The following IQSEC1 variants were observed in gnomAD, a reference collection of about 807,000 sequenced individuals.
The protein encoded by IQSEC1 is IQ motif and Sec7 domain ArfGEF 1.
IQSEC1 carries 31 observed loss-of-function variants against 91.0 expected under a neutral mutation model. The ratio of observed to expected loss-of-function variants is 0.34; its 90% CI spans 0.26 to 0.46. IQSEC1 has a LOEUF of 0.46. Among genes scored for constraint, IQSEC1 ranks in the 20% least tolerant of loss-of-function variants. The pLI, the probability that IQSEC1 is intolerant of heterozygous loss-of-function variation, is 1.00. For synonymous variants in IQSEC1, 699 were observed against 662.6 expected (o/e 1.05, Z -0.84); for missense variants, 1,388 against 1,575.6 (o/e 0.88, Z 2.02).
intron 1 of IQSEC1, among the ~76,000 whole-genome samples, chr3:13,034,728 C>G (rs988535640): frequency 6.6e-6 from 1 of 152,222 alleles, no homozygotes; most frequent in Admixed American, 6.5e-5. Flanking sequence ...CTGCTGAGGA[C>G]AAGTTTCTCA....
At chr3:12,947,471 C>T (rs1699259326) in intron 1 of IQSEC1, among the ~76,000 whole-genome samples, 1 of 151,904 alleles carries the variant, frequency 6.6e-6, no homozygotes, top group South Asian at 2.1e-4. Context: ...CACTCTTCCC[C>T]ACCCCGGGGA....
At chr3:13,170,865 C>T (rs1426336787) in intron 1 of IQSEC1, among the ~76,000 whole-genome samples, 2 of 151,946 alleles carry the variant, frequency 1.3e-5, no homozygotes, top group South Asian at 2.1e-4. Flanking sequence ...TTTGGGAGGC[C>T]GAGGTGGGTG....
rs898383185 is a variant in IQSEC1, at chr3:13,073,112, G to A, written c.-98C>T. The A allele has an allele frequency of 2.1e-5, 30 of 1,429,722 alleles. No homozygotes were observed. In the South Asian group the frequency reaches 3.6e-4, roughly 17 times the overall value. The allele number at this position is 1,429,722 out of a possible 1,614,324, so 88.6% of individuals were successfully genotyped here. On this transcript the variant is annotated 5_prime_UTR_variant, in exon 1 of 14. Coordinates refer to ENST00000613206, the MANE Select transcript of IQSEC1 (RefSeq NM_001134382.3). The stretch of plus-strand genomic sequence containing the variant: ...CAGGCGGCTCAGGCAAGAAGTGGAG[G>A]GGAATAAAATTAAATCGCGGGGCGA...
intron 1 of IQSEC1, among the ~76,000 whole-genome samples, chr3:13,045,439 C>T (rs937835730): frequency 7.2e-5 from 11 of 152,282 alleles, no homozygotes; most frequent in African/African-American, 1.4e-4. Context: ...TGAATGCAGG[C>T]GGGGAAACAG....
In IQSEC1 at chr3:12,900,067, C is replaced by CTGAG; in HGVS notation, c.*912_*915dup. Reference sequence around the variant, plus strand: ...GACAACCAGCTTGTAACCAGCTGTCCTGAGTTGCTACTGTAGAGTGTACTG... The same window carrying CTGAG: ...GACAACCAGCTTGTAACCAGCTGTCCTGAGTGAGTTGCTACTGTAGAGTGTACTG... On this transcript the variant is annotated 3_prime_UTR_variant, in exon 14 of 14. Coordinates refer to ENST00000613206, the MANE Select transcript of IQSEC1 (RefSeq NM_001134382.3). 5.1e-6 allele frequency: 5 copies of CTGAG among 985,240 alleles called. No individual in the cohort carries two copies. The highest frequency in any genetic ancestry group is 1.7e-5 in the African/African-American group (1 of 57,298). The allele number at this position is 985,240 out of a possible 1,614,324, so 61.0% of individuals were successfully genotyped here.
At chr3:13,057,970 C>T (rs192537899) in intron 1 of IQSEC1, among the ~76,000 whole-genome samples, 268 of 152,346 alleles carry the variant, frequency 1.8e-3, no homozygotes, top group Non-Finnish European at 3.0e-3. Context: ...ACATCCTTCT[C>T]ATTAAGAAAA....
chr3:13,039,513 T>G (rs564344150), intron 1 of IQSEC1, among the ~76,000 whole-genome samples: 1 of 152,362 alleles, frequency 6.6e-6, no homozygotes, highest in East Asian at 1.9e-4. Context: ...GTGGCTCCAT[T>G]TGCAGAGCTT....
Position 12,936,102 on chromosome 3 carries a change from G to C in IQSEC1, c.914C>G (p.Ser305Trp). Reference sequence around the variant, plus strand: ...GCTGGACGGCCGGTCCCCTGCCTGCGAGAGGGGCAGAGGGGGCGACAGCTC... The same window carrying C: ...GCTGGACGGCCGGTCCCCTGCCTGCCAGAGGGGCAGAGGGGGCGACAGCTC... ...EEELSPPLPL[S>W]QAGDRPSSTE... The change falls in exon 3 of 14, where the codon TCG becomes TGG. Residue 305 changes from serine to tryptophan, a missense_variant. Ser to Trp is a radical substitution (Grantham distance 177). Around this residue, in one of 2 missense-constraint regions of IQSEC1, gnomAD observed 1,059 missense variants for 1,317.8 expected, o/e 0.80. Transcript: ENST00000613206. 2 of 1,611,130 alleles carry C rather than the reference G, an allele frequency of 1.2e-6. No individual in the cohort carries two copies. The highest frequency in any genetic ancestry group is 1.7e-6 in the Non-Finnish European group (2 of 1,179,792).
In IQSEC1 at chr3:12,908,583, G is replaced by T; in HGVS notation, c.2579-58C>A. 1 of 1,575,918 alleles carries T rather than the reference G, an allele frequency of 6.3e-7. No homozygotes were observed. The highest frequency in any genetic ancestry group is 8.7e-7 in the Non-Finnish European group (1 of 1,149,146). On this transcript the variant is annotated intron_variant, in intron 11 of 13. Transcript: ENST00000613206. This position sits in a 1 kb window ranked among gnomAD's most constrained non-coding sequence, Gnocchi z 4.9. Reference sequence around the variant, plus strand: ...GGAGCACAGCCTAGAGTGGGCAGGAGACGGGGCCTTCTGCTTGGAGCTAGC... The same window carrying T: ...GGAGCACAGCCTAGAGTGGGCAGGATACGGGGCCTTCTGCTTGGAGCTAGC...
At chr3:13,061,886 C>T (rs1287787877) in intron 1 of IQSEC1, among the ~76,000 whole-genome samples, 1 of 152,210 alleles carries the variant, frequency 6.6e-6, no homozygotes, top group Non-Finnish European at 1.5e-5. Context: ...ACAGGTGTGG[C>T]CAAGTGACAA....
At chr3:12,959,010 A>G (rs1700084954) in intron 1 of IQSEC1, among the ~76,000 whole-genome samples, 1 of 152,190 alleles carries the variant, frequency 6.6e-6, no homozygotes, top group Non-Finnish European at 1.5e-5. Flanking sequence ...AGAGAAGCCA[A>G]TTTGGGGAGA....
At chr3:13,068,402 T>C (rs360860) in intron 1 of IQSEC1, among the ~76,000 whole-genome samples, 67,578 of 152,112 alleles carry the variant, frequency 0.44, 15,141 homozygotes, top group Middle Eastern at 0.63. Context: ...CAGCTTTGGG[T>C]ATACAACGGG....
At chr3:12,913,868 C>T (rs143045695) in intron 8 of IQSEC1, among the ~76,000 whole-genome samples, 25 of 152,298 alleles carry the variant, frequency 1.6e-4, no homozygotes, top group Non-Finnish European at 2.2e-4. Context: ...TAAACTATCA[C>T]GTTCACCTGG....
chr3:13,040,958 G>T (rs928428415), intron 1 of IQSEC1, among the ~76,000 whole-genome samples: 1 of 152,050 alleles, frequency 6.6e-6, no homozygotes, highest in African/African-American at 2.4e-5. Flanking sequence ...GGACTCCGGC[G>T]TCTGCATGGA....
intron 2 of IQSEC1, among the ~76,000 whole-genome samples, chr3:13,107,756 G>A (rs552880513): frequency 2.6e-5 from 4 of 152,360 alleles, no homozygotes; most frequent in Non-Finnish European, 2.9e-5. Context: ...CCCCTGGGCC[G>A]CTGGGTCTCA....
rs913603059 is a variant in IQSEC1 at position 13,255,617 on chromosome 3, GT to G, written c.272+27093del. On this transcript the variant is annotated intron_variant, in intron 1 of 15. Coordinates refer to the IQSEC1 transcript ENST00000648114. ...GGAAAAGGGCTTACAGTGTTTTGGG[GT>G]TTTTTTTTTGTTCTTAGAGACAGGG... Among the ~76,000 whole-genome samples the G allele has an allele frequency of 5.0e-3, 655 of 130,920 alleles. 8 individuals are homozygous for G. The highest frequency in any genetic ancestry group is 0.018 in the African/African-American group (593 of 32,184). The allele number at this position is 130,920 out of a possible 152,430, so 85.9% of individuals were successfully genotyped here.
intron 2 of IQSEC1, among the ~76,000 whole-genome samples, chr3:13,130,922 C>CAAA (rs71066945): frequency 1.2e-4 from 13 of 111,320 alleles, no homozygotes; most frequent in South Asian, 2.7e-4. Context: ...GACCATGTGT[C>CAAA]AAAAAAAAAA....
chr3:13,075,916 C>T (rs4684903), upstream of IQSEC1, among the ~76,000 whole-genome samples: 36,058 of 152,036 alleles, frequency 0.24, 4,708 homozygotes, highest in East Asian at 0.37. Flanking sequence ...AGAAAAGGGG[C>T]GCGCCCACCT....
At chr3:12,946,448 C>G (rs1006556213) in intron 1 of IQSEC1, among the ~76,000 whole-genome samples, 1 of 152,214 alleles carries the variant, frequency 6.6e-6, no homozygotes, top group Non-Finnish European at 1.5e-5. Context: ...ATCCTATGAG[C>G]GTTAGGTGGC....
Sources: gnomAD v4.1 joint callset for allele counts (sites outside exome capture counted in the v4.1 genomes callset) on GRCh38, gnomAD v4.1.1 for gene constraint, gnomAD v4.1.1 regional missense constraint, Gnocchi (gnomAD v3.1) non-coding constraint, MANE v1.5 for transcripts, NCBI Gene and HGNC (gene_info 2026-07-23, HGNC 2026-07-21) for gene names.